The following FAM120B variants were observed in gnomAD, a reference collection of about 807,000 sequenced individuals.
The protein encoded by FAM120B is family with sequence similarity 120 member B, also known as constitutive coactivator of peroxisome proliferator-activated receptor gamma.
A neutral mutation model predicts 96.3 loss-of-function variants in FAM120B; 83 were observed. That is an observed-to-expected ratio of 0.86 (90% CI 0.72 to 1.03). The LOEUF (loss-of-function observed/expected upper bound fraction) is 1.03. FAM120B is among the 50% of genes least tolerant of loss of function. The pLI is 0.00. For missense variants in FAM120B, 1,027 were observed against 1,121.2 expected (o/e 0.92, Z 1.20); for synonymous variants, 407 against 402.7 (o/e 1.01, Z -0.13).
chr6:170,339,244 G>T (rs767099529), intron 4 of FAM120B, among the ~76,000 whole-genome samples: 3 of 152,032 alleles, frequency 2.0e-5, no homozygotes, highest in Admixed American at 2.0e-4. Context: ...TGTCTGTAAA[G>T]GATTTTATTT....
intron 1 of FAM120B, among the ~76,000 whole-genome samples, chr6:170,308,041 G>C (rs1784387499): frequency 6.6e-6 from 1 of 152,072 alleles, no homozygotes; most frequent in South Asian, 2.1e-4. Flanking sequence ...TTTTGTTTTT[G>C]ACCTTTCTCT....
rs1456252049 is a variant in FAM120B, at chr6:170,361,212, A to ACG, written c.2283+2894_2283+2895insCG. Among the ~76,000 whole-genome samples the ACG allele has an allele frequency of 1.7e-3, 177 of 101,512 alleles. 7 individuals are homozygous for ACG. In the East Asian group the frequency reaches 0.025, roughly 14 times the overall value. The allele number at this position is 101,512 out of a possible 152,430, so 66.6% of individuals were successfully genotyped here. ...TATATATACGTGTATATATATATAT[A>ACG]TATATATATATATATATATATATAC... On this transcript the variant is annotated intron_variant, in intron 6 of 10. Coordinates refer to ENST00000476287, the MANE Select transcript of FAM120B (RefSeq NM_032448.3).
intron 7 of FAM120B, 28 bp downstream of exon 7, chr6:170,388,521 C>G (rs370096226): frequency 5.0e-4 from 783 of 1,579,650 alleles, no homozygotes; most frequent in Non-Finnish European, 6.3e-4. Context: ...TACCTTTCAC[C>G]AGAAACATCC....
chr6:170,360,320 A>C (rs917700608), intron 6 of FAM120B, among the ~76,000 whole-genome samples: 2 of 151,984 alleles, frequency 1.3e-5, no homozygotes, highest in African/African-American at 4.8e-5. Flanking sequence ...AATGCAGCAG[A>C]AGGTGTACTG....
At chr6:170,325,655 A>G (rs1785544069) in intron 3 of FAM120B, among the ~76,000 whole-genome samples, 1 of 152,226 alleles carries the variant, frequency 6.6e-6, no homozygotes, top group South Asian at 2.1e-4. Context: ...AGCCTGGCCA[A>G]CATGGTGAAA....
chr6:170,321,626 C>G (rs914262618), intron 2 of FAM120B, among the ~76,000 whole-genome samples: 2 of 152,104 alleles, frequency 1.3e-5, no homozygotes, highest in African/African-American at 4.8e-5. Context: ...TGATCCACCT[C>G]GACCTCCCAA....
intron 6 of FAM120B, among the ~76,000 whole-genome samples, chr6:170,365,982 C>T (rs974252033): frequency 2.0e-5 from 3 of 152,140 alleles, no homozygotes; most frequent in African/African-American, 4.8e-5. Context: ...AGAGCAGGAA[C>T]TCCTCACAAT....
intron 3 of FAM120B, 91 bp downstream of exon 3, chr6:170,323,350 G>A: frequency 9.7e-7 from 1 of 1,032,122 alleles, no homozygotes; most frequent in Non-Finnish European, 1.4e-6. Context: ...ATTCTTTCAA[G>A]ACATGGAGAC....
At chr6:170,371,848 A>G (rs1428837707) in intron 6 of FAM120B, among the ~76,000 whole-genome samples, 1 of 152,218 alleles carries the variant, frequency 6.6e-6, no homozygotes, top group Non-Finnish European at 1.5e-5. Context: ...GCCTGGCGCC[A>G]GCTGCCACCC....
At chr6:170,391,312 A>T in intron 8 of FAM120B, 191 bp downstream of exon 8, 1 of 531,446 alleles carries the variant, frequency 1.9e-6, no homozygotes, top group South Asian at 2.0e-5. Context: ...AGGCAGGCAG[A>T]TCACTTGAGG....
At chr6:170,361,218 A>ATATACGTG (rs1554286341) in intron 6 of FAM120B, among the ~76,000 whole-genome samples, 6 of 108,848 alleles carry the variant, frequency 5.5e-5, no homozygotes, top group African/African-American at 1.7e-4. Context: ...ATATATATAT[A>ATATACGTG]TATATATATA....
chr6:170,340,217 G>A (rs1265374639), intron 4 of FAM120B, among the ~76,000 whole-genome samples: 1 of 151,902 alleles, frequency 6.6e-6, no homozygotes, highest in Non-Finnish European at 1.5e-5. Flanking sequence ...TAATCTTGTC[G>A]TCATGCCTTA....
chr6:170,390,572 A>C (rs1461749143), intron 7 of FAM120B, among the ~76,000 whole-genome samples: 1 of 151,252 alleles, frequency 6.6e-6, no homozygotes, highest in Non-Finnish European at 1.5e-5. Context: ...TGATCTGCTG[A>C]TGTTGTTTTG....
intron 6 of FAM120B, among the ~76,000 whole-genome samples, chr6:170,368,930 GC>G (rs1360473707): frequency 3.4e-5 from 5 of 148,508 alleles, no homozygotes; most frequent in South Asian, 2.1e-4. Context: ...TTGGTAGGGT[GC>G]CCCCCACCCC....
chr6:170,383,536 A>G (rs1165845601), intron 6 of FAM120B, among the ~76,000 whole-genome samples: 1 of 152,248 alleles, frequency 6.6e-6, no homozygotes, highest in Non-Finnish European at 1.5e-5. Flanking sequence ...AAATAAGTAC[A>G]TGAAAAGTTG....
chr6:170,326,768 T>G (rs2115050984), intron 3 of FAM120B, among the ~76,000 whole-genome samples: 1 of 152,310 alleles, frequency 6.6e-6, no homozygotes, highest in South Asian at 2.1e-4. Flanking sequence ...AGACAGAGTC[T>G]CACTCTGTTG....
At chr6:170,397,962 C>A (rs546809322) in intron 9 of FAM120B, among the ~76,000 whole-genome samples, 10 of 143,830 alleles carry the variant, frequency 7.0e-5, no homozygotes, top group Non-Finnish European at 1.1e-4. Context: ...AGAAAGGAGA[C>A]CTTCTGCTTA....
At chr6:170,401,185 A>G (rs1005175116) in intron 9 of FAM120B, among the ~76,000 whole-genome samples, 5 of 152,144 alleles carry the variant, frequency 3.3e-5, no homozygotes, top group African/African-American at 1.2e-4. Context: ...TCTGCAGCAG[A>G]TCCCTCGGCC....
chr6:170,302,345 A>C (rs1784157948), upstream of FAM120B, among the ~76,000 whole-genome samples: 1 of 152,176 alleles, frequency 6.6e-6, no homozygotes, highest in Non-Finnish European at 1.5e-5. Context: ...CCCATGATTC[A>C]ATTACCTCCC....
Sources: allele counts gnomAD v4.1 joint callset (sites outside exome capture counted in the v4.1 genomes callset), GRCh38; gene constraint gnomAD v4.1.1; transcripts MANE v1.5; gene names NCBI Gene and HGNC (gene_info 2026-07-23, HGNC 2026-07-21).